The following PXDNL variants were observed in gnomAD, a reference collection of about 807,000 sequenced individuals.
The protein encoded by PXDNL is peroxidasin like.
PXDNL carries 145 observed loss-of-function variants against 150.8 expected under a neutral mutation model. That is an observed-to-expected ratio of 0.96 (90% confidence interval 0.84 to 1.10). PXDNL has a LOEUF of 1.10. Ranked by LOEUF, PXDNL falls within the 50% of genes least tolerant of loss-of-function variation. The pLI, the probability that PXDNL is intolerant of heterozygous loss-of-function variation, is 0.00. For synonymous variants in PXDNL, 757 were observed against 725.7 expected (o/e 1.04, Z -0.69); for missense variants, 2,087 against 1,873.9 (o/e 1.11, Z -2.10).
At chr8:51,684,571 C>A (rs1198698452) in intron 1 of PXDNL, among the ~76,000 whole-genome samples, 1 of 152,114 alleles carries the variant, frequency 6.6e-6, no homozygotes, top group African/African-American at 2.4e-5. Flanking sequence ...CTGTTACATG[C>A]AAAAGGAATT....
intron 1 of PXDNL, among the ~76,000 whole-genome samples, chr8:51,669,210 A>G (rs1356540067): frequency 6.6e-6 from 1 of 152,246 alleles, no homozygotes; most frequent in Non-Finnish European, 1.5e-5. Context: ...AAATGCGGAA[A>G]CTTAATGTAG....
chr8:51,462,696 G>A lies in PXDNL; in HGVS notation c.813-5029C>T, dbSNP rs536620416. 3.9e-5 allele frequency among the ~76,000 whole-genome samples: 6 copies of A among 152,278 alleles called. No individual in the cohort carries two copies. In the South Asian group the frequency reaches 1.2e-3, roughly 32 times the overall value. On this transcript the variant is annotated intron_variant, in intron 8 of 22. Coordinates refer to ENST00000356297, the MANE Select transcript of PXDNL (RefSeq NM_144651.5). ...TTCATTGGCATTCCTGAGAGAAAAT[G>A]AAGAAGAGTAAACAACTGGGAAAAC...
chr8:51,489,854 A>C (rs1810850013), intron 5 of PXDNL, among the ~76,000 whole-genome samples: 1 of 152,328 alleles, frequency 6.6e-6, no homozygotes, highest in Admixed American at 6.5e-5. Context: ...TTTCATAGCA[A>C]GTTCTTCAAC....
rs141941178 is a variant in PXDNL, at chr8:51,447,558, G to T, written c.1367-396C>A. 2.7e-3 allele frequency among the ~76,000 whole-genome samples: 418 copies of T among 152,272 alleles called. 1 individual carries two copies. The highest frequency in any genetic ancestry group is 4.9e-3 in the Non-Finnish European group (333 of 68,020). On this transcript the variant is annotated intron_variant, in intron 11 of 22. Transcript: ENST00000356297. ...TGCAATATTTGGAATACAATAACGT[G>T]ATTAAAATACATTTAAAATGCAGAG...
chr8:51,778,738 G>A (rs767834659), intron 1 of PXDNL, among the ~76,000 whole-genome samples: 7 of 152,312 alleles, frequency 4.6e-5, no homozygotes, highest in Non-Finnish European at 7.3e-5. Context: ...AGCCTCCCAC[G>A]CTTTCACTTT....
At chr8:51,483,571 A>G in intron 6 of PXDNL, 72 bp downstream of exon 6, 5 of 943,486 alleles carry the variant, frequency 5.3e-6, no homozygotes, top group Non-Finnish European at 8.2e-6. Context: ...GAAGGCAACC[A>G]ACCATTGTTT....
rs533257751 is a variant in PXDNL at position 51,452,668 on chromosome 8, C to T, written c.1249+851G>A. ...CTTTTTCTCTGTTCTGTGTTTCACA[C>T]GGTTCAGTGTTTTGGTAGATAACAT... On this transcript the variant is annotated intron_variant, in intron 10 of 22. Coordinates refer to ENST00000356297, the MANE Select transcript of PXDNL (RefSeq NM_144651.5). 5.9e-5 allele frequency among the ~76,000 whole-genome samples: 9 copies of T among 152,224 alleles called. No individual in the cohort carries two copies. In the South Asian group the frequency reaches 6.2e-4, roughly 11 times the overall value.
chr8:51,349,203 A>G (rs912390481), intron 19 of PXDNL, among the ~76,000 whole-genome samples: 3 of 151,848 alleles, frequency 2.0e-5, no homozygotes, highest in African/African-American at 7.3e-5. Context: ...GAATCTTCCC[A>G]TTCAGGGCAG....
intron 17 of PXDNL, among the ~76,000 whole-genome samples, chr8:51,396,209 T>C (rs1362488891): frequency 6.6e-6 from 1 of 152,184 alleles, no homozygotes; most frequent in East Asian, 1.9e-4. Context: ...GTGTGTATGA[T>C]GTGTGATTTG....
At chr8:51,665,536 C>T (rs1326815541) in intron 1 of PXDNL, among the ~76,000 whole-genome samples, 2 of 152,152 alleles carry the variant, frequency 1.3e-5, no homozygotes, top group African/African-American at 4.8e-5. Flanking sequence ...TCTTGAAGAG[C>T]AGGGAAATGT....
chr8:51,760,576 A>G (rs964136954), intron 1 of PXDNL, among the ~76,000 whole-genome samples: 3 of 152,302 alleles, frequency 2.0e-5, no homozygotes, highest in African/African-American at 7.2e-5. Flanking sequence ...TGAGATTTAG[A>G]TCACCTTCTA....
chr8:51,660,179 C>T (rs527660701), intron 1 of PXDNL, among the ~76,000 whole-genome samples: 2 of 113,130 alleles, frequency 1.8e-5, no homozygotes, highest in South Asian at 3.2e-4. Flanking sequence ...CATGAGCCAC[C>T]GCGCCCAGCC....
intron 3 of PXDNL, among the ~76,000 whole-genome samples, chr8:51,580,513 T>A (rs1261738024): frequency 6.6e-6 from 1 of 152,182 alleles, no homozygotes; most frequent in Non-Finnish European, 1.5e-5. Context: ...ATTAATTTAA[T>A]CCATTTTATC....
intron 1 of PXDNL, among the ~76,000 whole-genome samples, chr8:51,775,204 T>C (rs2037339515): frequency 6.6e-6 from 1 of 152,320 alleles, no homozygotes; most frequent in African/African-American, 2.4e-5. Context: ...ATCTGATTAC[T>C]AAAATAAGAA....
intron 21 of PXDNL, 26 bp downstream of exon 21, chr8:51,339,598 A>G (rs369993574): frequency 3.7e-6 from 6 of 1,608,292 alleles, no homozygotes; most frequent in Non-Finnish European, 4.2e-6. Context: ...TACAATAAGG[A>G]CATGTTATTT....
chr8:51,644,027 T>C (rs1173580895), intron 2 of PXDNL, among the ~76,000 whole-genome samples: 1 of 151,638 alleles, frequency 6.6e-6, no homozygotes, highest in Non-Finnish European at 1.5e-5. Flanking sequence ...GCACCTGTAG[T>C]TCCAGCTACT....
chr8:51,658,601 A>G (rs1406756715), intron 1 of PXDNL, among the ~76,000 whole-genome samples: 1 of 152,166 alleles, frequency 6.6e-6, no homozygotes, highest in African/African-American at 2.4e-5. Context: ...AGGATTGCAT[A>G]CAGGGCCTTG....
chr8:51,661,637 C>A (rs1477808942), intron 1 of PXDNL, among the ~76,000 whole-genome samples: 1 of 152,058 alleles, frequency 6.6e-6, no homozygotes, highest in Admixed American at 6.6e-5. Flanking sequence ...AGCAGCCAGC[C>A]CCCACAATTG....
At chr8:51,431,231 T>C (rs1347149216) in intron 12 of PXDNL, among the ~76,000 whole-genome samples, 1 of 152,198 alleles carries the variant, frequency 6.6e-6, no homozygotes, top group African/African-American at 2.4e-5. Context: ...TGCTCTTCCA[T>C]CTTTTCAGCC....
Sources: gnomAD v4.1 joint callset for allele counts (sites outside exome capture counted in the v4.1 genomes callset) on GRCh38, gnomAD v4.1.1 for gene constraint, MANE v1.5 for transcripts, NCBI Gene and HGNC (gene_info 2026-07-23, HGNC 2026-07-21) for gene names.